IGSF1: variants seen among roughly 807,000 people sequenced by gnomAD.
IGSF1 encodes immunoglobulin superfamily member 1.
Under a neutral mutation model 95.3 loss-of-function variants are expected in IGSF1, and 40 were observed. That is an observed-to-expected ratio of 0.42 (90% CI 0.33 to 0.55). The LOEUF (loss-of-function observed/expected upper bound fraction) is 0.55, where lower values mean the gene tolerates loss of function less well. IGSF1 is among the 20% of genes least tolerant of loss of function. The probability of loss-of-function intolerance (pLI) is 0.10; values close to 1 mark genes in which losing one functional copy is unlikely to be tolerated. For missense variants in IGSF1, 906 were observed against 1,025.4 expected, an observed-to-expected ratio of 0.88 and a Z score of 1.59; for synonymous variants, 372 against 382.9, an observed-to-expected ratio of 0.97 and a Z score of 0.33.
chrX:131,282,080 CTG>C (rs2080570373), intron 7 of IGSF1, 136 bp from the exon 8 acceptor site: 1 of 569,424 alleles, frequency 1.8e-6, no homozygotes, highest in Non-Finnish European at 2.7e-6. Context: ...CAAGATTTGA[CTG>C]TGCATTAGAA....
chrX:131,278,368 G>C (rs2080506505), intron 12 of IGSF1, 93 bp downstream of exon 12: 1 of 885,446 alleles, frequency 1.1e-6, no homozygotes, highest in African/African-American at 2.0e-5. Flanking sequence ...GGGCTCCAGG[G>C]TCCCTGTGAG....
In IGSF1 at chrX:131,279,334, A is replaced by G. The variant is rs766824998; in HGVS notation, c.1654T>C (p.Trp552Arg). 3 of 1,207,835 alleles carry G rather than the reference A, an allele frequency of 2.5e-6. No homozygotes were observed. The Admixed American group carries it at 6.5e-5, about 26-fold the overall frequency. The change falls in exon 10 of 20, where the codon TGG becomes CGG. Residue 552 changes from tryptophan (W) to arginine (R), a missense_variant. This residue lies in a region of IGSF1 where 442 missense variants were observed against 448.1 expected (regional missense o/e 0.99). Transcript: ENST00000361420. ...KCRRLRIREA[W>R]LLGTAQGVTM... Reference sequence around the variant, plus strand: ...ACCCCTTGAGCTGTTCCCAGCAACCAGGCTTCTCTAGTGAGACCAGAAAAG... The same window carrying G: ...ACCCCTTGAGCTGTTCCCAGCAACCGGGCTTCTCTAGTGAGACCAGAAAAG...
At chrX:131,287,993 C>A (rs1419204525) in intron 1 of IGSF1, among the ~76,000 whole-genome samples, 1 of 111,903 alleles carries the variant, frequency 8.9e-6, no homozygotes, top group Non-Finnish European at 1.9e-5. Context: ...GGACCTCAGC[C>A]TCAAACTTGC....
chrX:131,288,948 A>T (rs2080680630), intron 1 of IGSF1: 2 of 235,741 alleles, frequency 8.5e-6, no homozygotes, highest in Non-Finnish European at 1.6e-5. Flanking sequence ...TGCCGGGTAC[A>T]TGCTCAGCTG....
intron 9 of IGSF1, among the ~76,000 whole-genome samples, chrX:131,279,730 G>A (rs1161565824): frequency 9.0e-6 from 1 of 111,509 alleles, no homozygotes; most frequent in Non-Finnish European, 1.9e-5. Context: ...GTGTGTGGGG[G>A]TGGAGGGAGA....
chrX:131,274,351 C>T, intron 18 of IGSF1, 145 bp from the exon 19 acceptor site: 1 of 816,855 alleles, frequency 1.2e-6, no homozygotes, highest in Non-Finnish European at 1.7e-6. Context: ...TGGGCAGTGG[C>T]AGAGTTTATG....
At chrX:131,279,889 G>A (rs1034665278) in intron 9 of IGSF1, among the ~76,000 whole-genome samples, 2 of 111,883 alleles carry the variant, frequency 1.8e-5, no homozygotes, top group Non-Finnish European at 1.9e-5. Flanking sequence ...TGGCAGTGCC[G>A]AGCCAAGCTT....
chrX:131,279,219 G>A (rs759243983), intron 10 of IGSF1, 44 bp from the exon 11 acceptor site: 15 of 1,207,469 alleles, frequency 1.2e-5, no homozygotes, highest in East Asian at 3.0e-5. Context: ...CTCCCCCACC[G>A]GGACTTCACC....
chrX:131,288,674 T>C (rs191777037), intron 1 of IGSF1, among the ~76,000 whole-genome samples: 3 of 111,008 alleles, frequency 2.7e-5, no homozygotes, highest in East Asian at 5.7e-4. Context: ...GCCCAGATGA[T>C]GAATCTTATA....
chrX:131,273,949 CAT>C lies in IGSF1; in HGVS notation c.3876-20_3876-19del, dbSNP rs2080446222. 1 of 1,205,566 alleles carries C rather than the reference CAT, an allele frequency of 8.3e-7. No individual in the cohort carries two copies. Among genetic ancestry groups the C allele is most frequent in the South Asian group, 1.8e-5 (1 of 56,090 alleles). On this transcript the variant is annotated intron_variant, in intron 19 of 19. Transcript: ENST00000361420. Reference sequence around the variant, plus strand: ...CTGAGCCTCTATGTAAAGAAAAAGACATGAGTAAGGGAGGACCCAGAAACTGA... The same window carrying C: ...CTGAGCCTCTATGTAAAGAAAAAGACGAGTAAGGGAGGACCCAGAAACTGA...
Position 131,273,866 on chromosome X carries a change from G to T in IGSF1, c.3941C>A (p.Pro1314Gln). The change falls in exon 20 of 20, where the codon CCA becomes CAA. Residue 1314 changes from proline to glutamine, a missense_variant. By Grantham distance (76) the Pro-to-Gln change is moderately conservative. Around this residue, in one of 5 missense-constraint regions of IGSF1, gnomAD observed 411 missense variants for 494.9 expected, o/e 0.83. Coordinates refer to ENST00000361420, the MANE Select transcript of IGSF1 (RefSeq NM_001555.5). ...ALEECNQEGE[P>Q]GTPANSPSST... ...TGAAGGAGAATTGGCAGGGGTGCCTGGTTCTCCTTCTTGGTTACACTCTTC... is the reference window on the plus strand; with the variant it reads ...TGAAGGAGAATTGGCAGGGGTGCCTTGTTCTCCTTCTTGGTTACACTCTTC... 1.7e-6 allele frequency: 2 copies of T among 1,208,256 alleles called. No homozygotes were observed. Among genetic ancestry groups the T allele is most frequent in the Non-Finnish European group, 2.2e-6 (2 of 892,363 alleles).
At chrX:131,285,602 T>C (rs2080623661) in intron 4 of IGSF1, 136 bp from the exon 5 acceptor site, 4 of 838,165 alleles carry the variant, frequency 4.8e-6, no homozygotes, top group Non-Finnish European at 6.6e-6. Flanking sequence ...CTATCTCTGC[T>C]CCAGAGTCTG....
In IGSF1 at chrX:131,284,900, A is replaced by G. The variant is rs2080610998; in HGVS notation, c.667+279T>C. On this transcript the variant is annotated intron_variant, in intron 5 of 19. Coordinates refer to ENST00000361420, the MANE Select transcript of IGSF1 (RefSeq NM_001555.5). The stretch of plus-strand genomic sequence containing the variant: ...GGTTGAATTAATGAATGAATGCATG[A>G]TATTCAACAAGTTGAGAACAACAAA... The G allele has an allele frequency of 6.7e-6, 5 of 750,003 alleles. No individual in the cohort carries two copies. The South Asian group carries it at 3.0e-4, about 45-fold the overall frequency. The allele number at this position is 750,003 out of a possible 1,213,427, so 61.8% of individuals were successfully genotyped here.
In IGSF1 at chrX:131,277,167, G is replaced by C; in HGVS notation, c.2380C>G (p.Arg794Gly). The change falls in exon 14 of 20, where the codon CGA becomes GGA. Residue 794 changes from arginine (R) to glycine (G), a missense_variant. Transcript: ENST00000361420. Reference protein sequence around the residue: ...WASPVVTPGARVTFNCSTPHQ... With the variant: ...WASPVVTPGAGVTFNCSTPHQ... ...GGGGTGGAGCAATTGAAAGTCACTC[G>C]GGCACCAGGGGTGACCACAGGGCTG... 8.3e-7 allele frequency: 1 copy of C among 1,210,644 alleles called. No individual in the cohort carries two copies. The highest frequency in any genetic ancestry group is 1.1e-6 in the Non-Finnish European group (1 of 894,768).
intron 2 of IGSF1, 46 bp from the exon 3 acceptor site, chrX:131,286,509 A>G: frequency 8.4e-7 from 1 of 1,184,730 alleles, no homozygotes. Context: ...TGTTGTCTCC[A>G]TCCTGTGCTC....
In IGSF1 at chrX:131,278,782, T is replaced by C. The variant is rs1444437454; in HGVS notation, c.1751-31A>G. On this transcript the variant is annotated intron_variant, in intron 11 of 19. Transcript: ENST00000361420. ...AACAGCAGAATTAATGAAGCCATCC[T>C]CCCGCCTCCCTTCCCCTCCCTCCTC... is the stretch of plus-strand genomic sequence containing the variant. 5 of 1,166,554 alleles carry C rather than the reference T, an allele frequency of 4.3e-6. No individual in the cohort carries two copies. The South Asian group carries it at 7.6e-5, about 18-fold the overall frequency.
At chrX:131,279,218 C>G (rs367676648) in intron 10 of IGSF1, 43 bp from the exon 11 acceptor site, 3 of 1,210,075 alleles carry the variant, frequency 2.5e-6, no homozygotes, top group Middle Eastern at 2.3e-4. Flanking sequence ...CCTCCCCCAC[C>G]GGGACTTCAC....
At chrX:131,279,425 G>T in intron 9 of IGSF1, 84 bp from the exon 10 acceptor site, 1 of 729,641 alleles carries the variant, frequency 1.4e-6, no homozygotes, top group Non-Finnish European at 2.2e-6. Context: ...TATGTCATTG[G>T]CTTACTCGCT....
Position 131,277,230 on chromosome X carries a change from G to A in IGSF1, c.2321-4C>T, listed in dbSNP as rs757289487. ...AAGAAGGGCTTAGGGTACATTTCTA[G>A]AAGGCAAAAAACAAAAACAAAAACA... On this transcript the variant is annotated splice_polypyrimidine_tract_variant and splice_region_variant and intron_variant, in intron 13 of 19. Transcript: ENST00000361420. 21 of 1,158,456 alleles carry A rather than the reference G, an allele frequency of 1.8e-5. No homozygotes were observed. The East Asian group carries it at 4.6e-4, about 25-fold the overall frequency.
Sources: gnomAD v4.1 joint callset for allele counts (sites outside exome capture counted in the v4.1 genomes callset) on GRCh38, gnomAD v4.1.1 for gene constraint, gnomAD v4.1.1 regional missense constraint, MANE v1.5 for transcripts, NCBI Gene and HGNC (gene_info 2026-07-23, HGNC 2026-07-21) for gene names.